Variants in MORC1 observed in about 807,000 individuals in gnomAD.
MORC1 encodes MORC family CW-type zinc finger 1, also known as MORC family CW-type zinc finger protein 1.
MORC1 carries 59 observed loss-of-function variants against 134.9 expected under a neutral mutation model. The observed-to-expected ratio is 0.44, with a 90% CI of 0.35 to 0.54. The LOEUF (loss-of-function observed/expected upper bound fraction) is 0.54. MORC1 is among the 20% of genes least tolerant of loss of function. The pLI, the probability that MORC1 is intolerant of heterozygous loss-of-function variation, is 0.00. For missense variants in MORC1, 947 were observed against 1,134.5 expected (o/e 0.83, Z 2.37); for synonymous variants, 395 against 391.7 (o/e 1.01, Z -0.10).
chr3:108,990,623 A>G (rs1362159804), intron 21 of MORC1, among the ~76,000 whole-genome samples: 1 of 152,136 alleles, frequency 6.6e-6, no homozygotes, highest in Non-Finnish European at 1.5e-5. Context: ...ACCATACACC[A>G]TATTTACTTA....
intron 3 of MORC1, among the ~76,000 whole-genome samples, chr3:109,108,587 G>A (rs1951087915): frequency 6.6e-6 from 1 of 151,454 alleles, no homozygotes. Flanking sequence ...TCTGGAATGA[G>A]TATCTTTCTT....
chr3:109,092,155 C>T (rs1293728016), intron 8 of MORC1, among the ~76,000 whole-genome samples: 1 of 152,096 alleles, frequency 6.6e-6, no homozygotes, highest in African/African-American at 2.4e-5. Flanking sequence ...TTCTGGGACT[C>T]CTTTCTGACA....
chr3:109,015,882 C>T, intron 17 of MORC1, among the ~76,000 whole-genome samples: 1 of 152,074 alleles, frequency 6.6e-6, no homozygotes, highest in Non-Finnish European at 1.5e-5. Flanking sequence ...ATCCAAAATG[C>T]CTGGGGACAG....
chr3:109,084,978 T>C (rs4638976), intron 8 of MORC1, among the ~76,000 whole-genome samples: 129,158 of 152,184 alleles, frequency 0.85, 54,968 homozygotes, highest in East Asian at 0.93. Flanking sequence ...CTATCTCTCA[T>C]CATATACAAA....
At chr3:109,092,568 T>A (rs1950752512) in intron 8 of MORC1, among the ~76,000 whole-genome samples, 1 of 151,376 alleles carries the variant, frequency 6.6e-6, no homozygotes, top group Middle Eastern at 3.4e-3. Context: ...ACTTTGGATT[T>A]AAAAAAAAAT....
Position 109,004,907 on chromosome 3 carries a change from C to T in MORC1, c.2014-19G>A. 1 of 1,600,436 alleles carries T rather than the reference C, an allele frequency of 6.2e-7. No homozygotes were observed. The highest frequency in any genetic ancestry group is 8.5e-7 in the Non-Finnish European group (1 of 1,175,904). On this transcript the variant is annotated intron_variant, in intron 19 of 27. Coordinates refer to ENST00000232603, the MANE Select transcript of MORC1 (RefSeq NM_014429.4). The stretch of plus-strand genomic sequence containing the variant: ...GACTTCTCTTTCAAAACAGAGAATA[C>T]AGAAAAAAAAATTAGAAATTGGGAC...
At chr3:109,068,687 T>A (rs1378089684) in intron 9 of MORC1, among the ~76,000 whole-genome samples, 1 of 152,230 alleles carries the variant, frequency 6.6e-6, no homozygotes, top group African/African-American at 2.4e-5. Flanking sequence ...TGTGCAAGTA[T>A]CTTCTTCAAA....
rs115359303 is a variant in MORC1 at position 109,060,045 on chromosome 3, G to A, written c.967-175C>T. On this transcript the variant is annotated intron_variant, in intron 11 of 27. Transcript: ENST00000232603. The stretch of plus-strand genomic sequence containing the variant: ...TAAATTATTCAGTTCCAATACTTTA[G>A]AAGATAAACCAAATCCTAACCCACT... Among the ~76,000 whole-genome samples, 779 of 152,178 alleles carry A rather than the reference G, an allele frequency of 5.1e-3. 17 individuals are homozygous for A. The highest frequency in any genetic ancestry group is 0.018 in the African/African-American group (748 of 41,534).
At position 109,069,614 on chromosome 3, in the gene MORC1, T is replaced by C. The variant is rs2305238; in HGVS notation, c.815+18A>G. 0.39 allele frequency: 607,607 copies of C among 1,544,490 alleles called. 126,742 individuals are homozygous for C. The highest frequency in any genetic ancestry group is 0.73 in the East Asian group (31,833 of 43,594). ...TAAATAAAAACTCTGTGAAGATAAC[T>C]GAAGAAAGATGAGTTACCTGGGTCT... On this transcript the variant is annotated intron_variant, in intron 9 of 27. Coordinates refer to ENST00000232603, the MANE Select transcript of MORC1 (RefSeq NM_014429.4).
chr3:108,966,755 T>C (rs1378501644), intron 26 of MORC1, among the ~76,000 whole-genome samples: 2 of 152,020 alleles, frequency 1.3e-5, no homozygotes, highest in Non-Finnish European at 2.9e-5. Flanking sequence ...GCCCACTGTG[T>C]ATTGGGAGAG....
chr3:109,062,112 T>C (rs1950097977), intron 10 of MORC1, 54 bp from the exon 11 acceptor site: 2 of 1,506,400 alleles, frequency 1.3e-6, no homozygotes, highest in African/African-American at 2.7e-5. Flanking sequence ...CAAGCAATTT[T>C]AAGTGAGTAT....
At chr3:109,069,544 G>C (rs748380107) in intron 9 of MORC1, 88 bp downstream of exon 9, 168 of 1,287,526 alleles carry the variant, frequency 1.3e-4, no homozygotes, top group Non-Finnish European at 1.7e-4. Flanking sequence ...TACTATCAAA[G>C]TCAATGTCCT....
intron 23 of MORC1, among the ~76,000 whole-genome samples, chr3:108,981,288 ATCT>A (rs1947711574): frequency 1.3e-5 from 2 of 152,276 alleles, no homozygotes; most frequent in South Asian, 4.1e-4. Flanking sequence ...TAAGATGAGG[ATCT>A]TTTAAAATTG....
intron 8 of MORC1, among the ~76,000 whole-genome samples, chr3:109,091,367 C>T (rs1316001398): frequency 6.6e-6 from 1 of 151,810 alleles, no homozygotes; most frequent in East Asian, 1.9e-4. Context: ...TCGCTTGAAC[C>T]CAGGAGGCAG....
intron 17 of MORC1, among the ~76,000 whole-genome samples, chr3:109,024,983 A>G (rs536880415): frequency 1.3e-4 from 20 of 152,282 alleles, no homozygotes; most frequent in African/African-American, 4.8e-4. Context: ...CTTAGTTTTG[A>G]CATCAGATAA....
intron 17 of MORC1, among the ~76,000 whole-genome samples, chr3:109,022,120 A>G (rs1369803367): frequency 6.6e-6 from 1 of 152,222 alleles, no homozygotes; most frequent in Non-Finnish European, 1.5e-5. Flanking sequence ...TAACTAGAAT[A>G]GCCTCTTGTT....
rs1324780990 is a variant in MORC1, at chr3:109,046,435, T to C, written c.1330+8293A>G. On this transcript the variant is annotated intron_variant, in intron 14 of 27. Coordinates refer to ENST00000232603, the MANE Select transcript of MORC1 (RefSeq NM_014429.4). ...GATATATTCCAGTTTCCCTCTAAAA[T>C]GTGGAAATCAAAACTAGACATAAAA... is the stretch of plus-strand genomic sequence containing the variant. Among the ~76,000 whole-genome samples the C allele has an allele frequency of 3.3e-5, 5 of 152,214 alleles. No individual in the cohort carries two copies. The East Asian group carries it at 9.6e-4, about 29-fold the overall frequency.
intron 17 of MORC1, among the ~76,000 whole-genome samples, chr3:109,013,774 C>T (rs1948753996): frequency 6.6e-6 from 1 of 152,122 alleles, no homozygotes; most frequent in South Asian, 2.1e-4. Flanking sequence ...ATCTGCAATG[C>T]AACAGTGTTG....
At chr3:108,987,634 G>A (rs1011507950) in intron 21 of MORC1, among the ~76,000 whole-genome samples, 3 of 151,986 alleles carry the variant, frequency 2.0e-5, no homozygotes, top group African/African-American at 7.3e-5. Context: ...GAGAGGGTGG[G>A]AGTGGATGGG....
Sources: allele counts gnomAD v4.1 joint callset (sites outside exome capture counted in the v4.1 genomes callset), GRCh38; gene constraint gnomAD v4.1.1; transcripts MANE v1.5; gene names NCBI Gene and HGNC (gene_info 2026-07-23, HGNC 2026-07-21).